Variants in ADAM32 observed in about 807,000 individuals in gnomAD.
ADAM32 encodes disintegrin and metalloproteinase domain-containing protein 32.
ADAM32 carries 89 observed loss-of-function variants against 114.9 expected under a neutral mutation model. The ratio of observed to expected loss-of-function variants is 0.77; its 90% CI spans 0.65 to 0.92. The LOEUF (loss-of-function observed/expected upper bound fraction) is 0.92. Ranked by LOEUF, ADAM32 falls within the 40% of genes least tolerant of loss-of-function variation. The pLI is 0.00. For synonymous variants in ADAM32, 285 were observed against 307.5 expected (o/e 0.93, Z 0.77); for missense variants, 870 against 932.8 (o/e 0.93, Z 0.88).
intron 16 of ADAM32, among the ~76,000 whole-genome samples, chr8:39,245,016 TA>T (rs1424079452): frequency 6.6e-6 from 1 of 152,064 alleles, no homozygotes; most frequent in Non-Finnish European, 1.5e-5. Flanking sequence ...GGGACTTAAT[TA>T]AACTAAAAAG....
intron 19 of ADAM32, among the ~76,000 whole-genome samples, chr8:39,270,250 G>A (rs572386539): frequency 2.0e-5 from 3 of 152,296 alleles, no homozygotes; most frequent in African/African-American, 7.2e-5. Context: ...TTGTGGGAGT[G>A]TGAACTGGGG....
chr8:39,221,769 C>T (rs1808981412), intron 13 of ADAM32, 67 bp downstream of exon 13: 4 of 1,053,006 alleles, frequency 3.8e-6, no homozygotes, highest in Non-Finnish European at 5.6e-6. Context: ...CTTTACAACA[C>T]AGACCTACAG....
intron 16 of ADAM32, among the ~76,000 whole-genome samples, chr8:39,239,862 C>A (rs1353111264): frequency 6.6e-6 from 1 of 151,914 alleles, no homozygotes; most frequent in Non-Finnish European, 1.5e-5. Flanking sequence ...AGGGACTAGT[C>A]CAATAGGAAA....
At chr8:39,162,865 G>A (rs906856956) in intron 7 of ADAM32, among the ~76,000 whole-genome samples, 3 of 152,218 alleles carry the variant, frequency 2.0e-5, no homozygotes, top group African/African-American at 2.4e-5. Context: ...GCCAGGCGTG[G>A]TGGTGGACAC....
chr8:39,151,896 C>G (rs1330109027), intron 6 of ADAM32, among the ~76,000 whole-genome samples: 1 of 151,844 alleles, frequency 6.6e-6, no homozygotes, highest in Non-Finnish European at 1.5e-5. Flanking sequence ...CTCCTAGGTT[C>G]AAATGATCCA....
chr8:39,244,226 C>A (rs988293332), intron 16 of ADAM32, among the ~76,000 whole-genome samples: 2 of 152,052 alleles, frequency 1.3e-5, no homozygotes, highest in African/African-American at 4.8e-5. Flanking sequence ...TAATTCCCAT[C>A]AAAATACCAT....
rs1585601144 is a variant in ADAM32, at chr8:39,232,283, C to T, written c.1634+148C>T. ...CAAATCAAAATCCCCAGCCCTGACA[C>T]CTCTTTTGTGCTGCAGGCTAAAATT... On this transcript the variant is annotated intron_variant, in intron 15 of 24. Transcript: ENST00000379907. 76 of 554,348 alleles carry T rather than the reference C, an allele frequency of 1.4e-4. No individual in the cohort carries two copies. In the East Asian group the frequency reaches 2.4e-3, roughly 18 times the overall value. 34.3% of individuals were successfully genotyped at this position (554,348 alleles called of 1,614,324 possible). A position where few individuals can be genotyped will look rare whatever the true frequency, so the allele number is the denominator to read the frequency against.
At chr8:39,159,274 A>G (rs767084135) in intron 6 of ADAM32, among the ~76,000 whole-genome samples, 13 of 152,220 alleles carry the variant, frequency 8.5e-5, no homozygotes, top group Non-Finnish European at 1.6e-4. Flanking sequence ...GTGATTTGAT[A>G]GAGATTTCTT....
At chr8:39,144,427 A>G (rs1356989230) in intron 3 of ADAM32, among the ~76,000 whole-genome samples, 1 of 152,226 alleles carries the variant, frequency 6.6e-6, no homozygotes, top group Admixed American at 6.5e-5. Context: ...CAGATTGACT[A>G]TAGTGGTGGC....
At chr8:39,173,988 C>T (rs1479666456) in intron 10 of ADAM32, among the ~76,000 whole-genome samples, 3 of 152,140 alleles carry the variant, frequency 2.0e-5, no homozygotes, top group African/African-American at 7.2e-5. Flanking sequence ...CCACACTTGG[C>T]TAATTTTTGT....
chr8:39,268,529 G>C (rs1035499964), intron 19 of ADAM32, among the ~76,000 whole-genome samples: 5 of 152,124 alleles, frequency 3.3e-5, no homozygotes, highest in African/African-American at 9.7e-5. Flanking sequence ...TTGCAAACAT[G>C]TTATCTCAGT....
chr8:39,259,858 T>G (rs1271680168), intron 19 of ADAM32, among the ~76,000 whole-genome samples: 1 of 152,232 alleles, frequency 6.6e-6, no homozygotes, highest in Non-Finnish European at 1.5e-5. Flanking sequence ...ACATGAACAC[T>G]GCATTTCCAC....
intron 16 of ADAM32, among the ~76,000 whole-genome samples, chr8:39,242,386 G>C (rs1040751201): frequency 1.3e-5 from 2 of 152,108 alleles, no homozygotes; most frequent in African/African-American, 4.8e-5. Flanking sequence ...TACTGTATTA[G>C]TTTTTTTCAT....
intron 2 of ADAM32, among the ~76,000 whole-genome samples, chr8:39,132,900 T>C (rs1802548949): frequency 6.6e-6 from 1 of 152,218 alleles, no homozygotes; most frequent in Admixed American, 6.5e-5. Context: ...TTTCTCCTTA[T>C]GTTTGACTTT....
chr8:39,268,481 G>A (rs894444527), intron 19 of ADAM32, among the ~76,000 whole-genome samples: 1 of 151,942 alleles, frequency 6.6e-6, no homozygotes, highest in South Asian at 2.1e-4. Context: ...GTTGTATTTC[G>A]AGTGTTCTGA....
At chr8:39,260,123 A>T (rs946418556) in intron 19 of ADAM32, among the ~76,000 whole-genome samples, 1 of 152,160 alleles carries the variant, frequency 6.6e-6, no homozygotes, top group Non-Finnish European at 1.5e-5. Flanking sequence ...ATATATGTAT[A>T]TGCTGTAAAA....
rs1224461543 is a variant in ADAM32 at position 39,151,407 on chromosome 8, T to C, written c.384T>C (p.Tyr128=). The change falls in exon 6 of 25, where the codon TAT becomes TAC. Residue 128 remains tyrosine (Y), a synonymous_variant. Coordinates refer to ENST00000379907, the MANE Select transcript of ADAM32 (RefSeq NM_145004.7). ...RGILQFENVS[Y]GIEPLESAVE... is the part of the protein sequence containing the mutation. ...TACTGCAATTTGAAAATGTTTCTTA[T>C]GGAATTGAGCCTCTGGAATCTGCAG... is the stretch of plus-strand genomic sequence containing the variant. 5 of 1,591,374 alleles carry C rather than the reference T, an allele frequency of 3.1e-6. No homozygotes were observed. The highest frequency in any genetic ancestry group is 1.2e-5 in the South Asian group (1 of 85,164).
intron 21 of ADAM32, 127 bp downstream of exon 21, chr8:39,274,477 T>C (rs1812951102): frequency 9.9e-7 from 1 of 1,012,878 alleles, no homozygotes; most frequent in East Asian, 2.6e-5. Context: ...AAATCCAGAC[T>C]GCTAATATAC....
chr8:39,152,155 A>T (rs1211262175), intron 6 of ADAM32, among the ~76,000 whole-genome samples: 2 of 152,188 alleles, frequency 1.3e-5, no homozygotes, highest in African/African-American at 2.4e-5. Flanking sequence ...TAAAGTCAAT[A>T]ATTTTAAAGG....
Sources: gnomAD v4.1 joint callset for allele counts (sites outside exome capture counted in the v4.1 genomes callset) on GRCh38, gnomAD v4.1.1 for gene constraint, MANE v1.5 for transcripts, NCBI Gene and HGNC (gene_info 2026-07-23, HGNC 2026-07-21) for gene names.